The following RAB38 variants were observed in gnomAD, a reference collection of about 807,000 sequenced individuals.
The protein encoded by RAB38 is ras-related protein Rab-38.
A neutral mutation model predicts 18.4 loss-of-function variants in RAB38; 15 were observed. The ratio of observed to expected loss-of-function variants is 0.82; its 90% CI spans 0.55 to 1.26. The LOEUF (loss-of-function observed/expected upper bound fraction) is 1.26, where lower values mean the gene tolerates loss of function less well. Among genes scored for constraint, RAB38 ranks in the 50% most tolerant of loss-of-function variants. The probability of loss-of-function intolerance (pLI) is 0.00; values close to 1 mark genes in which losing one functional copy is unlikely to be tolerated. For synonymous variants in RAB38, 101 were observed against 104.4 expected, an observed-to-expected ratio of 0.97 and a Z score of 0.20; for missense variants, 294 against 267.4, an observed-to-expected ratio of 1.10 and a Z score of -0.69.
the RAB38 span, among the ~76,000 whole-genome samples, chr11:88,088,429 C>T: frequency 6.6e-6 from 1 of 151,858 alleles, no homozygotes; most frequent in Non-Finnish European, 1.5e-5. Flanking sequence ...GGGTACTTAA[C>T]AATACCTGAT....
At chr11:88,087,693 A>C in the RAB38 span, among the ~76,000 whole-genome samples, 1 of 151,786 alleles carries the variant, frequency 6.6e-6, no homozygotes, top group East Asian at 1.9e-4. Flanking sequence ...TCATTTCGAA[A>C]TTTTTTCTAG....
the RAB38 span, among the ~76,000 whole-genome samples, chr11:87,924,083 A>T: frequency 2.0e-5 from 3 of 151,902 alleles, no homozygotes; most frequent in African/African-American, 7.2e-5. Context: ...GCATTGTTCT[A>T]AGTTCTTTGC....
chr11:87,944,559 C>T, the RAB38 span, among the ~76,000 whole-genome samples: 1 of 152,162 alleles, frequency 6.6e-6, no homozygotes, highest in Non-Finnish European at 1.5e-5. Flanking sequence ...GCTGCTTCTG[C>T]TCCCATCTCT....
At chr11:87,859,277 T>A in the RAB38 span, among the ~76,000 whole-genome samples, 1 of 151,984 alleles carries the variant, frequency 6.6e-6, no homozygotes, top group Admixed American at 6.6e-5. Context: ...GTCCCTAGAT[T>A]TTAACAATTT....
At chr11:88,016,150 G>T in the RAB38 span, among the ~76,000 whole-genome samples, 1 of 152,176 alleles carries the variant, frequency 6.6e-6, no homozygotes, top group African/African-American at 2.4e-5. Flanking sequence ...ACAATAGCTA[G>T]CTTGTTTTGC....
chr11:87,951,659 C>A, the RAB38 span, among the ~76,000 whole-genome samples: 1 of 152,118 alleles, frequency 6.6e-6, no homozygotes, highest in Non-Finnish European at 1.5e-5. Flanking sequence ...TGCTAGAGGT[C>A]CACTCCAGAC....
At chr11:87,941,300 T>C in the RAB38 span, among the ~76,000 whole-genome samples, 1 of 142,698 alleles carries the variant, frequency 7.0e-6, no homozygotes, top group Admixed American at 7.3e-5. Flanking sequence ...GCCCAAACTG[T>C]CCCAGAGTTT....
chr11:88,034,732 A>G, the RAB38 span, among the ~76,000 whole-genome samples: 17 of 152,018 alleles, frequency 1.1e-4, no homozygotes, highest in Non-Finnish European at 1.2e-4. Context: ...GAGTTCTTTG[A>G]CCTTACACCT....
intron 1 of RAB38, among the ~76,000 whole-genome samples, chr11:88,154,049 G>A (rs1029227795): frequency 6.6e-6 from 1 of 152,216 alleles, no homozygotes; most frequent in Admixed American, 6.5e-5. Context: ...AGGTATGTGA[G>A]AGAGGCAGAG....
chr11:88,057,122 C>T, the RAB38 span, among the ~76,000 whole-genome samples: 1 of 152,174 alleles, frequency 6.6e-6, no homozygotes, highest in Non-Finnish European at 1.5e-5. Flanking sequence ...AAGAGGAACA[C>T]TGATCAAAAG....
chr11:88,149,811 T>C lies in RAB38; in HGVS notation c.347A>G (p.Asn116Ser), dbSNP rs993083322. 1 of 1,614,052 alleles carries C rather than the reference T, an allele frequency of 6.2e-7. No homozygotes were observed. The highest frequency in any genetic ancestry group is 1.3e-5 in the African/African-American group (1 of 75,000). The part of the protein sequence containing the change: ...NDLDSKLSLP[N>S]GKPVSVVLLA... ...CAAAACCACTGAAACCGGTTTGCCA[T>C]TAGGGAGACTTAACTTGGAGTCCAA... The change falls in exon 2 of 3, where the codon AAT becomes AGT. Residue 116 changes from asparagine (N) to serine (S), a missense_variant. Coordinates refer to ENST00000243662, the MANE Select transcript of RAB38 (RefSeq NM_022337.3).
At chr11:88,174,341 C>T (rs1943349622) in intron 1 of RAB38, among the ~76,000 whole-genome samples, 1 of 152,132 alleles carries the variant, frequency 6.6e-6, no homozygotes, top group Non-Finnish European at 1.5e-5. Flanking sequence ...ACTTCTGGTA[C>T]AAACCTGTGG....
the RAB38 span, among the ~76,000 whole-genome samples, chr11:87,975,474 T>TA: frequency 2.8e-4 from 43 of 151,912 alleles, no homozygotes; most frequent in South Asian, 8.5e-3. Context: ...TAATACCAGA[T>TA]AAAAAATCAG....
chr11:87,972,901 C>T, the RAB38 span, among the ~76,000 whole-genome samples: 1 of 151,880 alleles, frequency 6.6e-6, no homozygotes, highest in Non-Finnish European at 1.5e-5. Context: ...GCAGGTTTCC[C>T]CCTTGCTGTT....
the RAB38 span, among the ~76,000 whole-genome samples, chr11:87,836,114 G>A: frequency 6.6e-6 from 1 of 152,272 alleles, no homozygotes; most frequent in East Asian, 1.9e-4. Flanking sequence ...ATGCTAATGA[G>A]CAGATTCTTC....
chr11:87,820,014 A>G, the RAB38 span, among the ~76,000 whole-genome samples: 1 of 152,136 alleles, frequency 6.6e-6, no homozygotes, highest in Non-Finnish European at 1.5e-5. Context: ...CTGCTGAAAT[A>G]TCCTAAAAAA....
the RAB38 span, among the ~76,000 whole-genome samples, chr11:88,031,063 G>C: frequency 6.6e-6 from 1 of 150,716 alleles, no homozygotes; most frequent in African/African-American, 2.4e-5. Context: ...GGGATGCAAG[G>C]CTGGTTCAAT....
At chr11:87,875,171 G>T in the RAB38 span, among the ~76,000 whole-genome samples, 4 of 151,352 alleles carry the variant, frequency 2.6e-5, no homozygotes, top group African/African-American at 9.7e-5. Context: ...AATTTTAAAT[G>T]TCTTAGAATA....
At chr11:87,881,676 A>C in the RAB38 span, among the ~76,000 whole-genome samples, 1 of 151,740 alleles carries the variant, frequency 6.6e-6, no homozygotes. Flanking sequence ...GGTTTGTCTA[A>C]TATGAGCTTC....
Sources: allele counts gnomAD v4.1 joint callset (sites outside exome capture counted in the v4.1 genomes callset), GRCh38; gene constraint gnomAD v4.1.1; transcripts MANE v1.5; gene names NCBI Gene and HGNC (gene_info 2026-07-23, HGNC 2026-07-21).